PGPEP1L: variants seen among roughly 807,000 people sequenced by gnomAD.
PGPEP1L encodes the protein pyroglutamyl-peptidase I like.
Under a neutral mutation model 6.0 loss-of-function variants are expected in PGPEP1L, and 7 were observed. The observed-to-expected ratio is 1.17, with a 90% CI of 0.66 to 2.19. PGPEP1L has a LOEUF of 2.19. Ranked by LOEUF, PGPEP1L falls within the 30% of genes most tolerant of loss-of-function variation. The probability of loss-of-function intolerance (pLI) is 0.00; values close to 1 mark genes in which losing one functional copy is unlikely to be tolerated. For synonymous variants in PGPEP1L, 103 were observed against 83.9 expected, an observed-to-expected ratio of 1.23 and a Z score of -1.24; for missense variants, 209 against 192.5, an observed-to-expected ratio of 1.09 and a Z score of -0.51.
At chr15:98,977,163 T>G (rs1177999001) in intron 2 of PGPEP1L, among the ~76,000 whole-genome samples, 1 of 152,136 alleles carries the variant, frequency 6.6e-6, no homozygotes, top group East Asian at 1.9e-4. Flanking sequence ...GTTTATCAAT[T>G]TTATTAATTT....
rs771173706 is a variant in PGPEP1L at position 98,968,584 on chromosome 15, G to T, written c.323C>A (p.Ala108Asp). 4 of 1,611,712 alleles carry T rather than the reference G, an allele frequency of 2.5e-6. No individual in the cohort carries two copies. Among genetic ancestry groups the T allele is most frequent in the African/African-American group, 1.3e-5 (1 of 74,924 alleles). Residue 108 changes from alanine (A) to aspartate (D), a missense_variant, in exon 5 of 5, where the codon GCC becomes GAC. By Grantham distance (126) the Ala-to-Asp change is moderately radical. Coordinates refer to ENST00000535714, the MANE Select transcript of PGPEP1L (RefSeq NM_001167902.2). ...RGLPASLLGR[A>D]LRVIIQEMLE... ...CATTTCCTGGATGATGACTCTCAAG[G>T]CTCTTCCCAGCAGGCTGGCCGGGAG...
chr15:99,006,903 G>T (rs115105922), intron 1 of PGPEP1L, among the ~76,000 whole-genome samples: 60 of 152,276 alleles, frequency 3.9e-4, no homozygotes, highest in African/African-American at 1.4e-3. Context: ...TAGGTCTGGG[G>T]AGGAGAAGCT....
At chr15:98,984,048 ACT>A (rs1359011438) in intron 2 of PGPEP1L, among the ~76,000 whole-genome samples, 2 of 119,782 alleles carry the variant, frequency 1.7e-5, no homozygotes, top group African/African-American at 6.8e-5. Flanking sequence ...TTTGAGTCTC[ACT>A]CTGTCGCCCA....
At chr15:98,981,147 C>A (rs1383155283) in intron 2 of PGPEP1L, among the ~76,000 whole-genome samples, 2 of 152,078 alleles carry the variant, frequency 1.3e-5, no homozygotes, top group East Asian at 3.9e-4. Flanking sequence ...AATTGAGGAA[C>A]AAACTATCAA....
chr15:98,987,317 T>C (rs1555471613), intron 2 of PGPEP1L, among the ~76,000 whole-genome samples: 1 of 152,098 alleles, frequency 6.6e-6, no homozygotes, highest in East Asian at 1.9e-4. Context: ...CTACACCTGC[T>C]GAAAAGGCCA....
chr15:98,994,640 T>C (rs782565037), intron 2 of PGPEP1L, among the ~76,000 whole-genome samples: 5 of 152,184 alleles, frequency 3.3e-5, no homozygotes, highest in Admixed American at 6.5e-5. Flanking sequence ...CAAATAATGC[T>C]AGTTTAGATT....
intron 2 of PGPEP1L, among the ~76,000 whole-genome samples, chr15:98,988,075 C>CG (rs2017772324): frequency 6.6e-6 from 1 of 152,008 alleles, no homozygotes; most frequent in South Asian, 2.1e-4. Flanking sequence ...GGGCAGACAC[C>CG]GAGCTAGCTG....
chr15:98,996,998 C>T (rs989866790), intron 2 of PGPEP1L, among the ~76,000 whole-genome samples: 1 of 152,174 alleles, frequency 6.6e-6, no homozygotes, highest in African/African-American at 2.4e-5. Context: ...AGCTGGGTGA[C>T]TTGTCTTGGG....
chr15:98,988,469 G>A (rs2017777763), intron 2 of PGPEP1L, among the ~76,000 whole-genome samples: 1 of 152,070 alleles, frequency 6.6e-6, no homozygotes, highest in Non-Finnish European at 1.5e-5. Flanking sequence ...GGGCATCTCT[G>A]AAAAAAAGGC....
intron 2 of PGPEP1L, chr15:99,001,160 G>A (rs891575803): frequency 2.5e-5 from 11 of 445,178 alleles, no homozygotes; most frequent in African/African-American, 1.0e-4. Context: ...CTCTGGACAC[G>A]CCGCCTTTAA....
intron 2 of PGPEP1L, among the ~76,000 whole-genome samples, chr15:98,977,693 T>A (rs1219958419): frequency 6.6e-6 from 1 of 152,160 alleles, no homozygotes; most frequent in South Asian, 2.1e-4. Flanking sequence ...TGAGGTCTGG[T>A]AGGTTGGTAG....
chr15:98,990,104 AT>A (rs1199429295), intron 2 of PGPEP1L, among the ~76,000 whole-genome samples: 4 of 152,220 alleles, frequency 2.6e-5, no homozygotes, highest in African/African-American at 9.7e-5. Context: ...AAGTATCATA[AT>A]GACAGGATCA....
chr15:98,969,458 C>T lies in PGPEP1L; in HGVS notation c.176G>A (p.Gly59Asp), dbSNP rs367802561. ...ATCTCGGGAAAAGATCACGTCGACACCCTCCACAGCTACGCGCTTGCAGAC... is the reference window on the plus strand; with the variant it reads ...ATCTCGGGAAAAGATCACGTCGACATCCTCCACAGCTACGCGCTTGCAGAC... The part of the protein sequence containing the change: ...KAVCKRVAVE[G>D]VDVIFSRDAG... The change falls in exon 4 of 5, where the codon GGT (glycine) becomes GAT (aspartate). Residue 59 changes from glycine to aspartate, a missense_variant. Physicochemically the swap from Gly to Asp is moderately conservative, Grantham distance 94 (BLOSUM62 -1). Transcript: ENST00000535714. 24 of 1,613,928 alleles carry T rather than the reference C, an allele frequency of 1.5e-5. No individual in the cohort carries two copies. In the African/African-American group the frequency reaches 2.8e-4, roughly 19 times the overall value.
At chr15:98,984,350 G>A (rs1015313387) in intron 2 of PGPEP1L, among the ~76,000 whole-genome samples, 2 of 152,050 alleles carry the variant, frequency 1.3e-5, no homozygotes, top group Admixed American at 6.6e-5. Context: ...TAATGCTCTT[G>A]ATATTGATAA....
chr15:98,975,056 T>C (rs2017549057), intron 2 of PGPEP1L, among the ~76,000 whole-genome samples: 2 of 151,996 alleles, frequency 1.3e-5, no homozygotes, highest in Non-Finnish European at 2.9e-5. Flanking sequence ...AGCCAGGATA[T>C]GAAATCAACC....
intron 2 of PGPEP1L, among the ~76,000 whole-genome samples, chr15:98,982,800 TC>T (rs1424304790): frequency 1.7e-4 from 23 of 136,606 alleles, no homozygotes; most frequent in African/African-American, 6.1e-4. Context: ...AACCTCCGCC[TC>T]CCGGGTTTGA....
chr15:98,984,017 T>A (rs71403414), intron 2 of PGPEP1L, among the ~76,000 whole-genome samples: 100 of 91,900 alleles, frequency 1.1e-3, no homozygotes, highest in Middle Eastern at 4.9e-3. Context: ...GTCTTTTTTT[T>A]TTTTTTTTTT....
At chr15:98,994,038 C>A (rs1256291684) in intron 2 of PGPEP1L, among the ~76,000 whole-genome samples, 3 of 150,568 alleles carry the variant, frequency 2.0e-5, no homozygotes, top group African/African-American at 7.3e-5. Flanking sequence ...GAGGCCGAGG[C>A]AGGTGGATCA....
chr15:98,969,540 C>A lies in PGPEP1L; in HGVS notation c.94G>T (p.Gly32Cys). 1 of 1,614,010 alleles carries A rather than the reference C, an allele frequency of 6.2e-7. No individual in the cohort carries two copies. The highest frequency in any genetic ancestry group is 8.5e-7 in the Non-Finnish European group (1 of 1,179,902). Reference protein sequence around the residue: ...ADIRSFWPEGGVCLPGSPDVL... With the variant: ...ADIRSFWPEGCVCLPGSPDVL... ...TCTGGGCTGCCAGGTAGGCACACGC[C>A]GCCCTCGGGCCAGAAGCTGCGGATG... The change falls in exon 4 of 5, where the codon GGC (glycine) becomes TGC (cysteine). Residue 32 changes from glycine to cysteine, a missense_variant. Transcript: ENST00000535714.
Sources: allele counts gnomAD v4.1 joint callset (sites outside exome capture counted in the v4.1 genomes callset), GRCh38; gene constraint gnomAD v4.1.1; transcripts MANE v1.5; gene names NCBI Gene and HGNC (gene_info 2026-07-23, HGNC 2026-07-21).